PALM2AKAP2: variants seen among roughly 807,000 people sequenced by gnomAD.
PALM2AKAP2 encodes the protein PALM2-AKAP2 fusion protein.
Under a neutral mutation model 71.5 loss-of-function variants are expected in PALM2AKAP2, and 37 were observed. That is an observed-to-expected ratio of 0.52 (90% CI 0.40 to 0.68). The LOEUF is 0.68. PALM2AKAP2 is among the 30% of genes least tolerant of loss of function. The pLI is 0.00. For missense variants in PALM2AKAP2, 1,224 were observed against 1,191.8 expected (o/e 1.03, Z -0.40); for synonymous variants, 468 against 478.8 (o/e 0.98, Z 0.29).
intron 1 of PALM2AKAP2, among the ~76,000 whole-genome samples, chr9:109,830,721 G>A (rs1828272978): frequency 6.6e-6 from 1 of 152,282 alleles, no homozygotes. Flanking sequence ...ACTGATTTTA[G>A]TGTCTGCTTT....
At chr9:109,671,142 AT>A (rs1450429589) in intron 1 of PALM2AKAP2, among the ~76,000 whole-genome samples, 2 of 151,394 alleles carry the variant, frequency 1.3e-5, no homozygotes, top group African/African-American at 2.4e-5. Context: ...CCCACATGTC[AT>A]TTTTTTGCTT....
chr9:110,066,982 A>T (rs1834094096), intron 1 of PALM2AKAP2, among the ~76,000 whole-genome samples: 3 of 152,204 alleles, frequency 2.0e-5, no homozygotes, highest in Admixed American at 2.0e-4. Context: ...TATCAAGGAA[A>T]GAGAGAGCTC....
intron 1 of PALM2AKAP2, among the ~76,000 whole-genome samples, chr9:109,669,101 C>T (rs766567519): frequency 2.0e-5 from 3 of 152,090 alleles, no homozygotes; most frequent in Admixed American, 6.6e-5. Flanking sequence ...ACTTTAGGGA[C>T]GTAGAGGTAA....
At chr9:109,789,589 A>G (rs765615636) in intron 1 of PALM2AKAP2, among the ~76,000 whole-genome samples, 5 of 152,142 alleles carry the variant, frequency 3.3e-5, no homozygotes, top group Non-Finnish European at 7.3e-5. Flanking sequence ...GATCTCTTGT[A>G]TATCTTAAAA....
intron 6 of PALM2AKAP2, among the ~76,000 whole-genome samples, chr9:109,949,633 C>T (rs1490020406): frequency 6.6e-6 from 1 of 152,164 alleles, no homozygotes; most frequent in Non-Finnish European, 1.5e-5. Flanking sequence ...GAACAAAGGG[C>T]CTGTCACTTG....
intron 1 of PALM2AKAP2, among the ~76,000 whole-genome samples, chr9:110,114,690 C>T (rs1835325434): frequency 6.6e-6 from 1 of 152,214 alleles, no homozygotes; most frequent in Non-Finnish European, 1.5e-5. Context: ...CCTATGGCAG[C>T]AAAACGGTCA....
intron 6 of PALM2AKAP2, among the ~76,000 whole-genome samples, chr9:109,975,060 G>GCACACACACA (rs35855395): frequency 6.7e-6 from 1 of 149,330 alleles, no homozygotes; most frequent in Admixed American, 6.7e-5. Context: ...ATCTGCACGT[G>GCACACACACA]CACACACACA....
chr9:110,097,462 G>A (rs2118842975), intron 1 of PALM2AKAP2, among the ~76,000 whole-genome samples: 1 of 152,168 alleles, frequency 6.6e-6, no homozygotes, highest in South Asian at 2.1e-4. Context: ...TCAATGAGCT[G>A]TTGGGTACAC....
intron 7 of PALM2AKAP2, among the ~76,000 whole-genome samples, chr9:110,031,956 C>T (rs2132415067): frequency 6.6e-6 from 1 of 151,344 alleles, no homozygotes; most frequent in African/African-American, 2.4e-5. Context: ...TTCATCCTGT[C>T]AGCATTCTGA....
chr9:109,745,212 C>T (rs1471931147), intron 1 of PALM2AKAP2, among the ~76,000 whole-genome samples: 1 of 152,024 alleles, frequency 6.6e-6, no homozygotes, highest in Non-Finnish European at 1.5e-5. Flanking sequence ...CGTAGCCGGG[C>T]ATGGTGGCAC....
intron 1 of PALM2AKAP2, among the ~76,000 whole-genome samples, chr9:109,795,335 T>A (rs999105181): frequency 6.6e-6 from 1 of 152,250 alleles, no homozygotes; most frequent in Non-Finnish European, 1.5e-5. Context: ...TAGGGATTTA[T>A]CCCTTTAAGT....
chr9:109,845,258 T>A (rs1435761987), intron 1 of PALM2AKAP2, among the ~76,000 whole-genome samples: 1 of 152,216 alleles, frequency 6.6e-6, no homozygotes, highest in Non-Finnish European at 1.5e-5. Flanking sequence ...AGAGAATATT[T>A]TGATCACCTT....
At chr9:110,015,608 A>G (rs1251986501) in intron 6 of PALM2AKAP2, among the ~76,000 whole-genome samples, 1 of 152,138 alleles carries the variant, frequency 6.6e-6, no homozygotes, top group East Asian at 1.9e-4. Flanking sequence ...CTTGGTCTCA[A>G]TAAATAAATA....
rs7851406 is a variant in PALM2AKAP2 at position 109,975,062 on chromosome 9, A to G, written c.497-40892A>G. Among the ~76,000 whole-genome samples the G allele has an allele frequency of 1.0e-3, 134 of 133,714 alleles. 1 individual carries two copies. The highest frequency in any genetic ancestry group is 3.5e-3 in the African/African-American group (124 of 35,762). The allele number at this position is 133,714 out of a possible 152,430, so 87.7% of individuals were successfully genotyped here. ...CAAATATATATGTATCTGCACGTGC[A>G]CACACACACACACACACACACGTTT... On this transcript the variant is annotated intron_variant, in intron 6 of 9. Coordinates refer to the PALM2AKAP2 transcript ENST00000302798.
At chr9:109,664,187 C>A (rs1177153306) in intron 1 of PALM2AKAP2, among the ~76,000 whole-genome samples, 4 of 152,204 alleles carry the variant, frequency 2.6e-5, no homozygotes, top group Non-Finnish European at 5.9e-5. Context: ...AGCCCATTTA[C>A]ATTTAATGTT....
exon 7 of PALM2AKAP2, chr9:110,015,990 A>G: frequency 6.2e-7 from 1 of 1,614,014 alleles, no homozygotes; most frequent in Non-Finnish European, 8.5e-7. Context: ...AAGGAAGGTG[A>G]GTCAGCCTCG....
At chr9:110,008,305 C>T (rs2132308345) in intron 6 of PALM2AKAP2, among the ~76,000 whole-genome samples, 1 of 152,158 alleles carries the variant, frequency 6.6e-6, no homozygotes, top group Non-Finnish European at 1.5e-5. Context: ...CCCAACACAA[C>T]TAAACCGTGC....
intron 6 of PALM2AKAP2, among the ~76,000 whole-genome samples, chr9:109,938,018 A>ACAAAGG (rs1462998168): frequency 1.3e-5 from 2 of 152,208 alleles, no homozygotes; most frequent in African/African-American, 2.4e-5. Context: ...GTGGTTAGAG[A>ACAAAGG]CAAAGGGATG....
intron 6 of PALM2AKAP2, among the ~76,000 whole-genome samples, chr9:109,962,416 G>C (rs1831867152): frequency 6.6e-6 from 1 of 152,080 alleles, no homozygotes; most frequent in Non-Finnish European, 1.5e-5. Context: ...AGTTTTATTG[G>C]AACAGAATTA....
Sources: gnomAD v4.1 joint callset for allele counts (sites outside exome capture counted in the v4.1 genomes callset) on GRCh38, gnomAD v4.1.1 for gene constraint, MANE v1.5 for transcripts, NCBI Gene and HGNC (gene_info 2026-07-23, HGNC 2026-07-21) for gene names.